CCDC178: variants seen among roughly 807,000 people sequenced by gnomAD.
CCDC178 encodes coiled-coil domain-containing protein 178.
Under a neutral mutation model 117.4 loss-of-function variants are expected in CCDC178, and 126 were observed. The ratio of observed to expected loss-of-function variants is 1.07; its 90% CI spans 0.93 to 1.24. The LOEUF (loss-of-function observed/expected upper bound fraction) is 1.24, where lower values mean the gene tolerates loss of function less well. Among genes scored for constraint, CCDC178 ranks in the 50% most tolerant of loss-of-function variants. The probability of loss-of-function intolerance (pLI) is 0.00; values close to 1 mark genes in which losing one functional copy is unlikely to be tolerated. For missense variants in CCDC178, 1,030 were observed against 986.9 expected (o/e 1.04, Z -0.59); for synonymous variants, 283 against 313.4 (o/e 0.90, Z 1.02).
chr18:33,261,933 G>A (rs2059755898), intron 14 of CCDC178, among the ~76,000 whole-genome samples: 1 of 151,928 alleles, frequency 6.6e-6, no homozygotes, highest in Non-Finnish European at 1.5e-5. Flanking sequence ...TTCTATGTAT[G>A]TCTTCTTAGT....
At chr18:33,186,800 G>C (rs948557520) in intron 20 of CCDC178, among the ~76,000 whole-genome samples, 1 of 151,988 alleles carries the variant, frequency 6.6e-6, no homozygotes, top group Admixed American at 6.6e-5. Context: ...TTCTAGATTA[G>C]AAGTGACCAA....
At chr18:33,055,505 T>C (rs904719429) in intron 21 of CCDC178, among the ~76,000 whole-genome samples, 1 of 152,104 alleles carries the variant, frequency 6.6e-6, no homozygotes, top group African/African-American at 2.4e-5. Flanking sequence ...CCCCGCTAAT[T>C]TTTTGCAGAG....
At chr18:33,411,132 A>T (rs1329374773) in intron 3 of CCDC178, among the ~76,000 whole-genome samples, 1 of 152,110 alleles carries the variant, frequency 6.6e-6, no homozygotes, top group Non-Finnish European at 1.5e-5. Context: ...GTGAGCATAA[A>T]ATGAATGTTC....
chr18:33,185,849 A>G lies in CCDC178; in HGVS notation c.2238+26047T>C, dbSNP rs1484194770. Among the ~76,000 whole-genome samples the G allele has an allele frequency of 2.0e-5, 3 of 152,006 alleles. No individual in the cohort carries two copies. In the South Asian group the frequency reaches 6.2e-4, roughly 32 times the overall value. On this transcript the variant is annotated intron_variant, in intron 20 of 22. Coordinates refer to ENST00000383096, the MANE Select transcript of CCDC178 (RefSeq NM_001105528.4). Reference sequence around the variant, plus strand: ...AATGCCTATGGGTCAGTAGTTTCCAACGTTATTTTCTTGCTCTGGTGGTTC... The same window carrying G: ...AATGCCTATGGGTCAGTAGTTTCCAGCGTTATTTTCTTGCTCTGGTGGTTC...
At chr18:32,946,833 G>A (rs1256302723) in intron 22 of CCDC178, among the ~76,000 whole-genome samples, 3 of 149,064 alleles carry the variant, frequency 2.0e-5, no homozygotes, top group African/African-American at 7.4e-5. Flanking sequence ...AGGCTGGAGT[G>A]CAGTGTCGCA....
chr18:33,060,583 T>G (rs190842614), intron 21 of CCDC178, among the ~76,000 whole-genome samples: 1 of 152,112 alleles, frequency 6.6e-6, no homozygotes, highest in Admixed American at 6.6e-5. Flanking sequence ...AGTAGCACAT[T>G]CTTGCTGAGC....
chr18:33,354,649 C>T (rs1238335173), intron 7 of CCDC178, among the ~76,000 whole-genome samples: 5 of 148,228 alleles, frequency 3.4e-5, no homozygotes, highest in Non-Finnish European at 7.4e-5. Context: ...CTCACTCTGT[C>T]GCCCAGGTTG....
intron 11 of CCDC178, among the ~76,000 whole-genome samples, chr18:33,295,041 A>T (rs1473346378): frequency 6.6e-6 from 1 of 152,190 alleles, no homozygotes; most frequent in Non-Finnish European, 1.5e-5. Context: ...AAAGGGAAGA[A>T]TCACTCTACC....
At chr18:33,259,536 G>T (rs1044156811) in intron 14 of CCDC178, among the ~76,000 whole-genome samples, 1 of 145,092 alleles carries the variant, frequency 6.9e-6, no homozygotes, top group East Asian at 1.9e-4. Context: ...GGCTGAACAG[G>T]AGAGAGAGAG....
chr18:33,214,620 A>AAC (rs2059144025), intron 19 of CCDC178, among the ~76,000 whole-genome samples: 2 of 152,176 alleles, frequency 1.3e-5, no homozygotes, highest in Admixed American at 1.3e-4. Flanking sequence ...AAGGTGGATA[A>AAC]ATATCTTTAA....
intron 12 of CCDC178, among the ~76,000 whole-genome samples, chr18:33,286,164 G>A (rs1164386792): frequency 7.6e-6 from 1 of 131,324 alleles, no homozygotes; most frequent in African/African-American, 3.3e-5. Flanking sequence ...TAGTAGGGAT[G>A]GGGGGTTTCA....
chr18:33,230,302 T>C (rs1199882021), intron 15 of CCDC178, among the ~76,000 whole-genome samples: 2 of 151,932 alleles, frequency 1.3e-5, no homozygotes, highest in East Asian at 1.9e-4. Context: ...ATTAGTGAAA[T>C]AGCTATTATC....
Position 33,097,693 on chromosome 18 carries a change from G to A in CCDC178, c.2239-4783C>T, listed in dbSNP as rs577723262. On this transcript the variant is annotated intron_variant, in intron 20 of 22. Coordinates refer to ENST00000383096, the MANE Select transcript of CCDC178 (RefSeq NM_001105528.4). The stretch of plus-strand genomic sequence containing the variant: ...ATATGCAATGCAGTCTTCATAAAAT[G>A]TAATGACATTAAATAATTAAATCAA... Among the ~76,000 whole-genome samples the A allele has an allele frequency of 2.0e-5, 3 of 152,158 alleles. No individual in the cohort carries two copies. The East Asian group carries it at 5.8e-4, about 29-fold the overall frequency.
chr18:33,196,593 C>T (rs895353625), intron 20 of CCDC178, among the ~76,000 whole-genome samples: 3 of 152,116 alleles, frequency 2.0e-5, no homozygotes, highest in Admixed American at 2.0e-4. Context: ...GGGGACTGTG[C>T]TCTCTGGCTG....
At chr18:33,142,731 C>A (rs900339566) in intron 20 of CCDC178, among the ~76,000 whole-genome samples, 14 of 152,206 alleles carry the variant, frequency 9.2e-5, no homozygotes, top group Non-Finnish European at 1.2e-4. Flanking sequence ...ATGAAAAAAG[C>A]AGGCATTTCA....
chr18:33,171,271 C>A (rs926911009), intron 20 of CCDC178, among the ~76,000 whole-genome samples: 5 of 152,140 alleles, frequency 3.3e-5, no homozygotes. Context: ...CAATTCAGTG[C>A]CCCTGAGATC....
rs1191286639 is a variant in CCDC178 at position 32,938,089 on chromosome 18, C to T, written c.2526G>A (p.Glu842=). The T allele has an allele frequency of 6.2e-7, 1 of 1,611,202 alleles. No individual in the cohort carries two copies. Among genetic ancestry groups the T allele is most frequent in the Admixed American group, 1.7e-5 (1 of 59,992 alleles). ...TGTGTTGCATTAAATTTGAAGATTC[C>T]TCCTGTTCAGAAGCAAGAAACAAAC... ...ESIQKILAVQ[E]ESSNLMQHIL... Residue 842 remains glutamate, a splice_region_variant and synonymous_variant, in exon 23 of 23, where the codon GAG becomes GAA. Transcript: ENST00000383096.
At chr18:33,228,944 T>C (rs1426053354) in intron 15 of CCDC178, among the ~76,000 whole-genome samples, 2 of 152,172 alleles carry the variant, frequency 1.3e-5, no homozygotes, top group Admixed American at 1.3e-4. Flanking sequence ...CAAAGACTGA[T>C]ACAGGGAGAG....
intron 15 of CCDC178, among the ~76,000 whole-genome samples, chr18:33,234,504 A>G (rs1159343740): frequency 6.6e-6 from 1 of 152,180 alleles, no homozygotes; most frequent in Non-Finnish European, 1.5e-5. Context: ...AACGTTCAGC[A>G]TAAATAACTG....
Sources: gnomAD v4.1 joint callset for allele counts (sites outside exome capture counted in the v4.1 genomes callset) on GRCh38, gnomAD v4.1.1 for gene constraint, MANE v1.5 for transcripts, NCBI Gene and HGNC (gene_info 2026-07-23, HGNC 2026-07-21) for gene names.